UTP20: variants seen among roughly 807,000 people sequenced by gnomAD.
UTP20 encodes small subunit processome component 20 homolog.
In UTP20, 164 loss-of-function variants were observed where a neutral mutation model predicts 329.5. The observed-to-expected ratio is 0.50, with a 90% CI of 0.44 to 0.57. The LOEUF (loss-of-function observed/expected upper bound fraction) is 0.57, where lower values mean the gene tolerates loss of function less well. Among genes scored for constraint, UTP20 ranks in the 20% least tolerant of loss-of-function variants. The pLI is 0.00. For missense variants in UTP20, 3,055 were observed against 3,284.2 expected (o/e 0.93, Z 1.71); for synonymous variants, 1,151 against 1,159.3 (o/e 0.99, Z 0.14).
chr12:101,300,640 C>T (rs960093154), intron 14 of UTP20, among the ~76,000 whole-genome samples: 18 of 152,270 alleles, frequency 1.2e-4, no homozygotes, highest in Non-Finnish European at 2.4e-4. Flanking sequence ...TATGTCTCCC[C>T]CACTAGTCTG....
intron 60 of UTP20, among the ~76,000 whole-genome samples, chr12:101,385,280 TG>T (rs1406762212): frequency 1.3e-5 from 2 of 152,104 alleles, no homozygotes; most frequent in African/African-American, 4.8e-5. Flanking sequence ...AGGTTTCCGC[TG>T]GGAAGTGGGC....
In UTP20 at chr12:101,374,954, A is replaced by G. The variant is rs766739234; in HGVS notation, c.7263+15A>G. On this transcript the variant is annotated intron_variant, in intron 55 of 61. Coordinates refer to ENST00000261637, the MANE Select transcript of UTP20 (RefSeq NM_014503.3). ...ACTTTAAAGATGTAAGTAATTTGCT[A>G]GGGAATAAAACTTTTCTAACTTATA... The G allele has an allele frequency of 8.1e-6, 13 of 1,601,236 alleles. No homozygotes were observed. The highest frequency in any genetic ancestry group is 6.7e-5 in the Admixed American group (4 of 59,864).
chr12:101,350,727 G>A lies in UTP20; in HGVS notation c.4885-1328G>A, dbSNP rs553618773. Among the ~76,000 whole-genome samples, 24 of 152,282 alleles carry A rather than the reference G, an allele frequency of 1.6e-4. No homozygotes were observed. The South Asian group carries it at 4.8e-3, about 30-fold the overall frequency. The stretch of plus-strand genomic sequence containing the variant: ...TAGCATGAGGCATTTCACTCTGGCT[G>A]ATAGGACTGTGAACTAGCCTCAACC... On this transcript the variant is annotated intron_variant, in intron 38 of 61. Coordinates refer to ENST00000261637, the MANE Select transcript of UTP20 (RefSeq NM_014503.3).
chr12:101,362,658 C>T lies in UTP20; in HGVS notation c.5790+598C>T, dbSNP rs1401702472. Among the ~76,000 whole-genome samples the T allele has an allele frequency of 8.3e-5, 11 of 132,924 alleles. 2 individuals are homozygous for T. The highest frequency in any genetic ancestry group is 1.5e-4 in the African/African-American group (4 of 25,826). 87.2% of individuals were successfully genotyped at this position (132,924 alleles called of 152,430 possible). A position where few individuals can be genotyped will look rare whatever the true frequency, so the allele number is the denominator to read the frequency against. Reference sequence around the variant, plus strand: ...TGTGGAGGTTGCAGTGAGCGCAGACCGCGCCACTGCACTTCAGCCTGGGCG... The same window carrying T: ...TGTGGAGGTTGCAGTGAGCGCAGACTGCGCCACTGCACTTCAGCCTGGGCG... On this transcript the variant is annotated intron_variant, in intron 44 of 61. Coordinates refer to ENST00000261637, the MANE Select transcript of UTP20 (RefSeq NM_014503.3).
intron 60 of UTP20, 146 bp from the exon 61 acceptor site, chr12:101,385,437 A>G (rs1870791626): frequency 1.1e-5 from 10 of 880,460 alleles, no homozygotes; most frequent in African/African-American, 1.7e-5. Context: ...TAATGCTGCA[A>G]GAGTTGAAAT....
chr12:101,290,684 T>C, intron 7 of UTP20, 49 bp from the exon 8 acceptor site: 1 of 1,543,348 alleles, frequency 6.5e-7, no homozygotes, highest in Middle Eastern at 1.7e-4. Flanking sequence ...AGAGCAATAC[T>C]TGAAAATAAG....
intron 19 of UTP20, 129 bp downstream of exon 19, chr12:101,309,968 C>A: frequency 1.4e-6 from 1 of 731,954 alleles, no homozygotes; most frequent in Non-Finnish European, 2.2e-6. Context: ...TACTTTAAAT[C>A]CTTTGTGAGA....
chr12:101,385,721 C>A lies in UTP20; in HGVS notation c.8195C>A (p.Ala2732Asp). The A allele has an allele frequency of 6.2e-7, 1 of 1,610,554 alleles. No homozygotes were observed. The highest frequency in any genetic ancestry group is 1.1e-5 in the South Asian group (1 of 90,108). ...EKRALRKKRK[A>D]LEFVTNPDIA... ...AGGGCACTCCGGAAAAAGAGGAAGG[C>A]CCTGGAGGTAAGTTTGCTCTTTGAA... The change falls in exon 61 of 62, where the codon GCC becomes GAC. Residue 2732 changes from alanine to aspartate, a missense_variant. Coordinates refer to ENST00000261637, the MANE Select transcript of UTP20 (RefSeq NM_014503.3).
intron 54 of UTP20, among the ~76,000 whole-genome samples, 157 bp downstream of exon 54, chr12:101,373,924 A>G (rs1311276885): frequency 6.6e-6 from 1 of 152,204 alleles, no homozygotes; most frequent in East Asian, 1.9e-4. Context: ...AAAGTTTTCC[A>G]AAGTGTAAGA....
chr12:101,359,816 G>T (rs1357736908), intron 43 of UTP20, among the ~76,000 whole-genome samples: 1 of 152,142 alleles, frequency 6.6e-6, no homozygotes, highest in Non-Finnish European at 1.5e-5. Flanking sequence ...GCCAAGCAAT[G>T]GCAGCACAGA....
chr12:101,329,794 A>C (rs1344349210), intron 27 of UTP20, among the ~76,000 whole-genome samples: 1 of 152,072 alleles, frequency 6.6e-6, no homozygotes, highest in Non-Finnish European at 1.5e-5. Flanking sequence ...ACTGGATGCC[A>C]GGAGTTTGAG....
At chr12:101,379,820 G>GA (rs1555203367) in intron 57 of UTP20, among the ~76,000 whole-genome samples, 1 of 149,510 alleles carries the variant, frequency 6.7e-6, no homozygotes, top group Admixed American at 6.7e-5. Flanking sequence ...ATATGTTTAA[G>GA]TTTTTTTTTT....
intron 40 of UTP20, 42 bp from the exon 41 acceptor site, chr12:101,354,790 A>G (rs550786672): frequency 6.3e-7 from 1 of 1,580,426 alleles, no homozygotes; most frequent in Non-Finnish European, 8.6e-7. Flanking sequence ...GTGTGGTTTC[A>G]TTATTTGCTT....
rs182580617 is a variant in UTP20, at chr12:101,340,577, C to G, written c.4068C>G (p.Leu1356=). The change falls in exon 32 of 62, where the codon CTC becomes CTG. Residue 1356 remains leucine (L), a synonymous_variant. Transcript: ENST00000261637. ...AAAGTTCTGTACTCATTACGCTTCT[C>G]CTTCCATTCCTCCACCGTGGCAATA... ...KEQSSVLITL[L]LPFLHRGNIA... 8.6e-5 allele frequency: 139 copies of G among 1,611,922 alleles called. No homozygotes were observed. The Middle Eastern group carries it at 3.0e-3, about 34-fold the overall frequency.
chr12:101,360,721 CGGG>C (rs1565804362), intron 43 of UTP20, among the ~76,000 whole-genome samples: 1 of 151,996 alleles, frequency 6.6e-6, no homozygotes, highest in Non-Finnish European at 1.5e-5. Context: ...CCCAGCTACT[CGGG>C]AGGCTGAGGC....
At chr12:101,307,198 A>AT (rs1263487319) in intron 17 of UTP20, among the ~76,000 whole-genome samples, 3,932 of 139,152 alleles carry the variant, frequency 0.028, 201 homozygotes, top group African/African-American at 0.097. Context: ...AAAAAAATTG[A>AT]TTTTTTTTTT....
Position 101,361,996 on chromosome 12 carries a change from T to C in UTP20, c.5726T>C (p.Leu1909Pro). ...CTGACTTTCACCGTTCACATGCTGCTGCAAGGCCTCACCAATAAGCTGCAG... is the reference window on the plus strand; with the variant it reads ...CTGACTTTCACCGTTCACATGCTGCCGCAAGGCCTCACCAATAAGCTGCAG... Reference protein sequence around the residue: ...HVLTFTVHMLLQGLTNKLQVG... With the variant: ...HVLTFTVHMLPQGLTNKLQVG... Residue 1909 changes from leucine (L) to proline (P), a missense_variant, in exon 44 of 62, where the codon CTG (leucine) becomes CCG (proline). This residue lies in a region of UTP20 where 2,445 missense variants were observed against 2,575.5 expected (regional missense o/e 0.95). Coordinates refer to ENST00000261637, the MANE Select transcript of UTP20 (RefSeq NM_014503.3). 1.9e-6 allele frequency: 3 copies of C among 1,613,790 alleles called. No homozygotes were observed. The highest frequency in any genetic ancestry group is 2.5e-6 in the Non-Finnish European group (3 of 1,179,780).
chr12:101,363,057 C>T (rs1408759228), intron 44 of UTP20, among the ~76,000 whole-genome samples: 2 of 131,460 alleles, frequency 1.5e-5, no homozygotes, highest in Non-Finnish European at 2.9e-5. Flanking sequence ...TGCTTGAACC[C>T]AGGAGCTGGA....
intron 36 of UTP20, 30 bp from the exon 37 acceptor site, chr12:101,345,524 A>G (rs1392550598): frequency 1.5e-6 from 2 of 1,368,204 alleles, no homozygotes; most frequent in Non-Finnish European, 2.0e-6. Context: ...TTTTAAAATA[A>G]AATGTTTTTT....
Sources: gnomAD v4.1 joint callset for allele counts (sites outside exome capture counted in the v4.1 genomes callset) on GRCh38, gnomAD v4.1.1 for gene constraint, gnomAD v4.1.1 regional missense constraint, MANE v1.5 for transcripts, NCBI Gene and HGNC (gene_info 2026-07-23, HGNC 2026-07-21) for gene names.